The following ACE variants were observed in gnomAD, a reference collection of about 807,000 sequenced individuals.
The protein encoded by ACE is angiotensin-converting enzyme.
Under a neutral mutation model 162.3 loss-of-function variants are expected in ACE, and 122 were observed. The observed-to-expected ratio is 0.75, with a 90% CI of 0.65 to 0.87. The LOEUF is 0.87. Among genes scored for constraint, ACE ranks in the 40% least tolerant of loss-of-function variants. The probability of loss-of-function intolerance (pLI) is 0.00; values close to 1 mark genes in which losing one functional copy is unlikely to be tolerated. For missense variants in ACE, 1,799 were observed against 1,735.1 expected, an observed-to-expected ratio of 1.04 and a Z score of -0.65; for synonymous variants, 796 against 720.6, an observed-to-expected ratio of 1.10 and a Z score of -1.68.
chr17:63,479,736 C>T, intron 3 of ACE, 33 bp from the exon 4 acceptor site: 2 of 1,612,020 alleles, frequency 1.2e-6, no homozygotes, highest in Non-Finnish European at 1.7e-6. Context: ...AACGTGGAGG[C>T]CTCCTCACCG....
rs1317871269 is a variant in ACE at position 63,485,242 on chromosome 17, T to C, written c.1928T>C (p.Val643Ala). The C allele has an allele frequency of 6.2e-7, 1 of 1,614,032 alleles. No homozygotes were observed. The highest frequency in any genetic ancestry group is 1.6e-4 in the Middle Eastern group (1 of 6,062). The change falls in exon 13 of 25, where the codon GTG becomes GCG. Residue 643 changes from valine to alanine, a missense_variant. Transcript: ENST00000290866. ...PDNYPEGIDLVTDEAEASKFV... is the reference protein window; with the variant it reads ...PDNYPEGIDLATDEAEASKFV... ...CCTGCACTCTGTCCCACAGACCTGG[T>C]GACTGATGAGGCTGAGGCCAGCAAG...
Position 63,487,866 on chromosome 17 carries a change from A to G in ACE, c.2306-782A>G, listed in dbSNP as rs4338. On this transcript the variant is annotated intron_variant, in intron 15 of 24. Coordinates refer to ENST00000290866, the MANE Select transcript of ACE (RefSeq NM_000789.4). ...ATGACAAATAGAAGGGGAAATGGAA[A>G]ATAAACAGGAGAAACGGTTTTCCCA... 3.2e-3 allele frequency among the ~76,000 whole-genome samples: 494 copies of G among 152,338 alleles called. 1 individual carries two copies. Among genetic ancestry groups the G allele is most frequent in the Non-Finnish European group, 5.3e-3 (363 of 68,030 alleles).
At chr17:63,479,606 C>T (rs1229541479) in intron 3 of ACE, among the ~76,000 whole-genome samples, 163 bp from the exon 4 acceptor site, 1 of 152,150 alleles carries the variant, frequency 6.6e-6, no homozygotes, top group East Asian at 1.9e-4. Flanking sequence ...TCTGTAGCTC[C>T]CAGCCCCCTC....
chr17:63,477,462 A>ACC, intron 1 of ACE, 119 bp downstream of exon 1: 1 of 811,112 alleles, frequency 1.2e-6, no homozygotes, highest in Non-Finnish European at 1.5e-6. Flanking sequence ...CCGACCCCGG[A>ACC]CCCTCGCCCC....
Position 63,488,979 on chromosome 17 carries a change from G to A in ACE, c.2488G>A (p.Glu830Lys), listed in dbSNP as rs267604983. 1.9e-6 allele frequency: 3 copies of A among 1,614,164 alleles called. No homozygotes were observed. The highest frequency in any genetic ancestry group is 2.2e-5 in the East Asian group (1 of 44,878). Residue 830 changes from glutamate to lysine, a missense_variant, in exon 17 of 25, where the codon GAG becomes AAG. Transcript: ENST00000290866. ...DAGDSWRSMY[E>K]TPSLEQDLER... The stretch of plus-strand genomic sequence containing the variant: ...AGGGGACTCGTGGAGGTCTATGTAC[G>A]AGACACCATCCCTGGAGCAAGACCT...
In ACE at chr17:63,487,006, T is replaced by C. The variant is rs1042309696; in HGVS notation, c.2238T>C (p.Asp746=). 2 of 1,613,840 alleles carry C rather than the reference T, an allele frequency of 1.2e-6. No homozygotes were observed. The highest frequency in any genetic ancestry group is 1.3e-5 in the African/African-American group (1 of 75,026). ...TGCAGTACAACAAGATCCTGTTGGA[T>C]ATGGAAACCACCTACAGCGTGGCCA... ...ELEEYNKILL[D]METTYSVATV... Residue 746 remains aspartate (D), a synonymous_variant, in exon 15 of 25, where the codon GAT becomes GAC. Coordinates refer to ENST00000290866, the MANE Select transcript of ACE (RefSeq NM_000789.4).
chr17:63,496,370 G>A, intron 22 of ACE, 24 bp from the exon 23 acceptor site: 2 of 1,614,034 alleles, frequency 1.2e-6, no homozygotes, highest in Non-Finnish European at 1.7e-6. Flanking sequence ...CTCCGCCCCG[G>A]GCCACGGCCT....
rs1367062284 is a variant in ACE at position 63,496,483 on chromosome 17, TC to T, written c.3471del (p.Tyr1158ThrfsTer14). 2 of 1,614,046 alleles carry T rather than the reference TC, an allele frequency of 1.2e-6. No homozygotes were observed. The highest frequency in any genetic ancestry group is 1.7e-6 in the Non-Finnish European group (2 of 1,180,036). ...GHTGPLHKCD[I>X]YQSKEAGQRL... ...ACGGGCCCCCTGCACAAGTGTGACA[TC>T]TACCAGTCCAAGGAGGCCGGGCAGC... On this transcript the variant is annotated frameshift_variant, in exon 23 of 25. Coordinates refer to ENST00000290866, the MANE Select transcript of ACE (RefSeq NM_000789.4). LOFTEE classifies it high-confidence loss of function.
rs55917477 is a variant in ACE, at chr17:63,482,025, C to T, written c.1118+287C>T. 8.0e-4 allele frequency among the ~76,000 whole-genome samples: 122 copies of T among 152,280 alleles called. No homozygotes were observed. The Middle Eastern group carries it at 0.01, about 13-fold the overall frequency. ...AGAATTTGCTTGTTTCTGCCAGGCA[C>T]GGTGGTCACACCTGTAATCCCAGCA... On this transcript the variant is annotated intron_variant, in intron 7 of 24. Coordinates refer to ENST00000290866, the MANE Select transcript of ACE (RefSeq NM_000789.4).
chr17:63,483,767 A>G, intron 10 of ACE, 82 bp from the exon 11 acceptor site: 2 of 1,606,754 alleles, frequency 1.2e-6, no homozygotes, highest in Non-Finnish European at 1.7e-6. Flanking sequence ...TCTGCCCTGC[A>G]GGAAGCTGGA....
At position 63,493,315 on chromosome 17, in the gene ACE, G is replaced by A. The variant is rs957905178; in HGVS notation, c.2913-121G>A. 6.5e-6 allele frequency: 6 copies of A among 919,758 alleles called. No individual in the cohort carries two copies. In the South Asian group the frequency reaches 8.9e-5, roughly 14 times the overall value. 57.0% of individuals were successfully genotyped at this position (919,758 alleles called of 1,614,324 possible). A position where few individuals can be genotyped will look rare whatever the true frequency, so the allele number is the denominator to read the frequency against. The stretch of plus-strand genomic sequence containing the variant: ...TTCCCCTCCCTCCCCACAGTGCTGT[G>A]TCCCCTGCATGCTGCAGTGCTGGGG... On this transcript the variant is annotated intron_variant, in intron 19 of 24. Transcript: ENST00000290866.
Position 63,477,946 on chromosome 17 carries a change from C to G in ACE, c.265C>G (p.Leu89Val). 1 of 1,611,386 alleles carries G rather than the reference C, an allele frequency of 6.2e-7. No homozygotes were observed. Among genetic ancestry groups the G allele is most frequent in the South Asian group, 1.1e-5 (1 of 90,478 alleles). Residue 89 changes from leucine (L) to valine (V), a missense_variant, in exon 2 of 25, where the codon CTC (leucine) becomes GTC (valine). Transcript: ENST00000290866. ...NARRQEEAAL[L>V]SQEFAEAWGQ... ...TGCCCAATAGGAGGAAGCAGCCCTG[C>G]TCAGCCAGGAGTTTGCGGAGGCCTG...
chr17:63,482,990 C>T, intron 8 of ACE, 39 bp from the exon 9 acceptor site: 1 of 1,606,278 alleles, frequency 6.2e-7, no homozygotes, highest in Non-Finnish European at 8.5e-7. Context: ...TCTTCTCCCT[C>T]TGACCTCTTC....
chr17:63,481,721 C>T lies in ACE; in HGVS notation c.1101C>T (p.Tyr367=). 6.2e-7 allele frequency: 1 copy of T among 1,614,132 alleles called. No homozygotes were observed. Among genetic ancestry groups the T allele is most frequent in the Non-Finnish European group, 8.5e-7 (1 of 1,180,020 alleles). Residue 367 remains tyrosine (Y), a synonymous_variant, in exon 7 of 25, where the codon TAC becomes TAT. Coordinates refer to ENST00000290866, the MANE Select transcript of ACE (RefSeq NM_000789.4). ...VVCHASAWDF[Y]NRKDFRIKQC... The stretch of plus-strand genomic sequence containing the variant: ...GCCACGCCTCGGCTTGGGACTTCTA[C>T]AACAGGAAAGACTTCAGGTTCAGAC...
In ACE at chr17:63,482,668, G is replaced by A. The variant is rs770430455; in HGVS notation, c.1321G>A (p.Asp441Asn). The A allele has an allele frequency of 1.2e-6, 2 of 1,613,828 alleles. No individual in the cohort carries two copies. The highest frequency in any genetic ancestry group is 3.3e-5 in the Admixed American group (2 of 60,026). ...PEHLHKIGLL[D>N]RVTNDTESDI... ...ACATCTGCACAAAATCGGCCTGCTGGACCGTGTCACCAATGACACGGGTAT... is the reference window on the plus strand; with the variant it reads ...ACATCTGCACAAAATCGGCCTGCTGAACCGTGTCACCAATGACACGGGTAT... The change falls in exon 8 of 25, where the codon GAC becomes AAC. Residue 441 changes from aspartate (D) to asparagine (N), a missense_variant. Physicochemically the swap from Asp to Asn is conservative, Grantham distance 23 (BLOSUM62 1). Transcript: ENST00000290866.
intron 2 of ACE, chr17:63,478,749 G>A (rs1463027474): frequency 1.8e-6 from 1 of 562,510 alleles, no homozygotes; most frequent in East Asian, 3.2e-5. Flanking sequence ...ACTGCAGGGT[G>A]GTGCCAAGCT....
In ACE at chr17:63,478,804, T is replaced by A. The variant is rs532914529; in HGVS notation, c.418-203T>A. 139 of 632,308 alleles carry A rather than the reference T, an allele frequency of 2.2e-4. No individual in the cohort carries two copies. The African/African-American group carries it at 2.3e-3, about 10-fold the overall frequency. 39.2% of individuals were successfully genotyped at this position (632,308 alleles called of 1,614,324 possible). On this transcript the variant is annotated intron_variant, in intron 2 of 24. Coordinates refer to ENST00000290866, the MANE Select transcript of ACE (RefSeq NM_000789.4). ...GACTTTCAGGACTCCTGTCCCCCAC[T>A]CCACAGGCTGCCTCCACTGGCAGGG...
intron 8 of ACE, 137 bp from the exon 9 acceptor site, chr17:63,482,892 C>T: frequency 1.8e-6 from 2 of 1,131,994 alleles, no homozygotes; most frequent in Admixed American, 3.4e-5. Flanking sequence ...CAAGCAGGGC[C>T]CAGGGTCTCG....
chr17:63,492,208 G>A (rs2030430175), intron 19 of ACE, among the ~76,000 whole-genome samples: 1 of 152,210 alleles, frequency 6.6e-6, no homozygotes, highest in Admixed American at 6.5e-5. Flanking sequence ...GATTTACCTG[G>A]CAGCCAGCAT....
Sources: gnomAD v4.1 joint callset for allele counts (sites outside exome capture counted in the v4.1 genomes callset) on GRCh38, gnomAD v4.1.1 for gene constraint, MANE v1.5 for transcripts, NCBI Gene and HGNC (gene_info 2026-07-23, HGNC 2026-07-21) for gene names.